DNAH9: variants seen among roughly 807,000 people sequenced by gnomAD.
DNAH9 encodes dynein axonemal heavy chain 9, also known as DNAH9 variant protein.
In DNAH9, 345 loss-of-function variants were observed where a neutral mutation model predicts 471.6. That is an observed-to-expected ratio of 0.73 (90% confidence interval 0.67 to 0.80). DNAH9 has a LOEUF of 0.80. Among genes scored for constraint, DNAH9 ranks in the 30% least tolerant of loss-of-function variants. DNAH9 has a pLI of 0.00. For missense variants in DNAH9, 5,407 were observed against 5,609.2 expected, an observed-to-expected ratio of 0.96 and a Z score of 1.15; for synonymous variants, 2,093 against 2,123.6, an observed-to-expected ratio of 0.99 and a Z score of 0.40.
At chr17:11,908,900 C>T (rs1973694813) in intron 61 of DNAH9, among the ~76,000 whole-genome samples, 1 of 152,174 alleles carries the variant, frequency 6.6e-6, no homozygotes, top group Non-Finnish European at 1.5e-5. Flanking sequence ...CAGTGAAGTC[C>T]TCTGGTGAGG....
intron 53 of DNAH9, among the ~76,000 whole-genome samples, chr17:11,879,105 C>T (rs961718137): frequency 1.3e-5 from 2 of 151,972 alleles, no homozygotes; most frequent in Non-Finnish European, 2.9e-5. Flanking sequence ...TACACCAGCT[C>T]TTATTTACTT....
intron 56 of DNAH9, chr17:11,884,443 G>T: frequency 2.7e-6 from 1 of 364,624 alleles, no homozygotes; most frequent in Non-Finnish European, 5.7e-6. Flanking sequence ...GCATCAGAAG[G>T]GCATTGGAGA....
At position 11,678,426 on chromosome 17, in the gene DNAH9, A is replaced by T. The variant is rs1399871343; in HGVS notation, c.3354-1331A>T. On this transcript the variant is annotated intron_variant, in intron 17 of 68. Transcript: ENST00000262442. ...AAAGGTCTATTGATGAAGTGTTCTC[A>T]TTCTTTCTTTGTCTGAAATGTATTC... 2.6e-5 allele frequency among the ~76,000 whole-genome samples: 4 copies of T among 152,336 alleles called. No homozygotes were observed. In the South Asian group the frequency reaches 8.3e-4, roughly 32 times the overall value.
intron 66 of DNAH9, among the ~76,000 whole-genome samples, chr17:11,941,431 T>C (rs1260159872): frequency 1.3e-5 from 2 of 152,164 alleles, no homozygotes; most frequent in Non-Finnish European, 2.9e-5. Flanking sequence ...CTGGGCTTAC[T>C]CATTTATTCC....
In DNAH9 at chr17:11,891,643, G is replaced by A. The variant is rs1973052401; in HGVS notation, c.11113-134G>A. 16 of 1,032,356 alleles carry A rather than the reference G, an allele frequency of 1.5e-5. No individual in the cohort carries two copies. In the South Asian group the frequency reaches 2.3e-4, roughly 15 times the overall value. 63.9% of individuals were successfully genotyped at this position (1,032,356 alleles called of 1,614,324 possible). A position where few individuals can be genotyped will look rare whatever the true frequency, so the allele number is the denominator to read the frequency against. On this transcript the variant is annotated intron_variant, in intron 57 of 68. Transcript: ENST00000262442. The stretch of plus-strand genomic sequence containing the variant: ...GCCTCCCAAAGCACTGTGATCACAG[G>A]CATGAGCCACCGTGCCTGGCCTTGG...
chr17:11,625,572 GTTC>G (rs1303154733), intron 6 of DNAH9, among the ~76,000 whole-genome samples: 4 of 152,140 alleles, frequency 2.6e-5, no homozygotes, highest in South Asian at 2.1e-4. Flanking sequence ...AATTCCCAAG[GTTC>G]TTCTTTTAAG....
At position 11,744,994 on chromosome 17, in the gene DNAH9, C is replaced by A. The variant is rs760019726; in HGVS notation, c.6309C>A (p.Val2103=). 5 of 1,614,038 alleles carry A rather than the reference C, an allele frequency of 3.1e-6. No homozygotes were observed. Among genetic ancestry groups the A allele is most frequent in the Admixed American group, 1.7e-5 (1 of 60,034 alleles). ...GGGACCTCTTTCCCGCCCTGGATGT[C>A]CCCCGGAGGAGAGACCCCAACTTCG... ...LIGDLFPALD[V]PRRRDPNFEA... Residue 2103 remains valine, a synonymous_variant, in exon 31 of 69, where the codon GTC becomes GTA. Transcript: ENST00000262442.
intron 12 of DNAH9, among the ~76,000 whole-genome samples, chr17:11,648,765 A>G (rs1369333502): frequency 1.3e-5 from 2 of 152,166 alleles, no homozygotes; most frequent in Non-Finnish European, 2.9e-5. Context: ...AAGCTTAACA[A>G]GTCAAAGAAG....
intron 67 of DNAH9, among the ~76,000 whole-genome samples, chr17:11,956,415 C>G (rs1029385652): frequency 2.0e-5 from 3 of 152,036 alleles, no homozygotes; most frequent in Non-Finnish European, 4.4e-5. Flanking sequence ...ACTCCTCTCT[C>G]AATATTTAGT....
At chr17:11,696,561 A>G (rs971545330) in intron 22 of DNAH9, among the ~76,000 whole-genome samples, 3 of 152,154 alleles carry the variant, frequency 2.0e-5, no homozygotes, top group African/African-American at 7.2e-5. Context: ...AGCAGCAGAC[A>G]AGAGCTTCTC....
At chr17:11,604,053 C>T (rs1041928621) in intron 1 of DNAH9, among the ~76,000 whole-genome samples, 3 of 149,748 alleles carry the variant, frequency 2.0e-5, no homozygotes, top group South Asian at 2.1e-4. Context: ...GATGAAGTCT[C>T]GCACTGTCAC....
rs974387167 is a variant in DNAH9 at position 11,932,564 on chromosome 17, T to C, written c.12297+359T>C. On this transcript the variant is annotated intron_variant, in intron 64 of 68. Transcript: ENST00000262442. This position sits in a 1 kb window ranked among gnomAD's most constrained non-coding sequence, Gnocchi z 4.3. The stretch of plus-strand genomic sequence containing the variant: ...GCATTTTAACGAGATTCTCTGGTAA[T>C]TCGTATGCACGTTAAGGAGGGATGA... 6.6e-6 allele frequency among the ~76,000 whole-genome samples: 1 copy of C among 152,210 alleles called. No individual in the cohort carries two copies. The highest frequency in any genetic ancestry group is 1.5e-5 in the Non-Finnish European group (1 of 68,038).
In DNAH9 at chr17:11,822,082, A is replaced by G. The variant is rs758112638; in HGVS notation, c.8850+20A>G. The G allele has an allele frequency of 1.2e-6, 2 of 1,601,630 alleles. No individual in the cohort carries two copies. Among genetic ancestry groups the G allele is most frequent in the Non-Finnish European group, 1.7e-6 (2 of 1,175,630 alleles). ...CTGAAGGTAAAGAGCATTTACTGAC[A>G]GGGGCAGGCAGAGACCCGAGATGAT... is the stretch of plus-strand genomic sequence containing the variant. On this transcript the variant is annotated intron_variant, in intron 46 of 68. Transcript: ENST00000262442.
At chr17:11,748,442 TGGGTAGG>T (rs1966991654) in intron 32 of DNAH9, among the ~76,000 whole-genome samples, 1 of 152,126 alleles carries the variant, frequency 6.6e-6, no homozygotes, top group African/African-American at 2.4e-5. Flanking sequence ...AAGTATGTGT[TGGGTAGG>T]GAAGCCCACG....
chr17:11,689,192 G>A (rs1333498104), intron 19 of DNAH9, among the ~76,000 whole-genome samples: 1 of 152,114 alleles, frequency 6.6e-6, no homozygotes, highest in African/African-American at 2.4e-5. Flanking sequence ...TAATATGACA[G>A]TGCTCTTTTG....
intron 28 of DNAH9, among the ~76,000 whole-genome samples, chr17:11,735,448 C>G (rs1597567557): frequency 6.6e-6 from 1 of 151,784 alleles, no homozygotes; most frequent in East Asian, 1.9e-4. Flanking sequence ...TTTTGTTTTC[C>G]TTTTTCAGAT....
intron 4 of DNAH9, among the ~76,000 whole-genome samples, chr17:11,613,589 C>A (rs536186350): frequency 3.8e-4 from 58 of 152,260 alleles, no homozygotes; most frequent in Non-Finnish European, 7.2e-4. Flanking sequence ...TAGTGACAGA[C>A]CGAGACTCCG....
At chr17:11,694,229 C>A in intron 21 of DNAH9, 92 bp from the exon 22 acceptor site, 2 of 1,400,910 alleles carry the variant, frequency 1.4e-6, no homozygotes, top group Non-Finnish European at 2.0e-6. Flanking sequence ...GCATATGTTC[C>A]GTCTATTGCA....
At position 11,768,545 on chromosome 17, in the gene DNAH9, C is replaced by T. The variant is rs756250435; in HGVS notation, c.7263C>T (p.Tyr2421=). Residue 2421 remains tyrosine, a synonymous_variant, in exon 37 of 69, where the codon TAC becomes TAT. Transcript: ENST00000262442. ...CCCAAGGAACCATCTTTGACTATTA[C>T]ATCGACCCAGAGACCAAGAAATTCG... The part of the protein sequence containing the change: ...FPSQGTIFDY[Y]IDPETKKFEP... The T allele has an allele frequency of 1.2e-6, 2 of 1,614,194 alleles. No homozygotes were observed. Among genetic ancestry groups the T allele is most frequent in the East Asian group, 2.2e-5 (1 of 44,876 alleles).
Sources: allele counts gnomAD v4.1 joint callset (sites outside exome capture counted in the v4.1 genomes callset), GRCh38; gene constraint gnomAD v4.1.1; non-coding constraint Gnocchi (gnomAD v3.1); transcripts MANE v1.5; gene names NCBI Gene and HGNC (gene_info 2026-07-23, HGNC 2026-07-21).